PAWR: variants seen among roughly 807,000 people sequenced by gnomAD.
PAWR encodes pro-apoptotic WT1 regulator.
In PAWR, 23 loss-of-function variants were observed where a neutral mutation model predicts 32.0. That is an observed-to-expected ratio of 0.72 (90% CI 0.52 to 1.02). The LOEUF (loss-of-function observed/expected upper bound fraction) is 1.02, where lower values mean the gene tolerates loss of function less well. Among genes scored for constraint, PAWR ranks in the 50% least tolerant of loss-of-function variants. PAWR has a pLI of 0.00. For synonymous variants in PAWR, 226 were observed against 187.1 expected, an observed-to-expected ratio of 1.21 and a Z score of -1.70; for missense variants, 457 against 437.7, an observed-to-expected ratio of 1.04 and a Z score of -0.39.
At chr12:79,642,398 T>C (rs1187297049) in intron 2 of PAWR, among the ~76,000 whole-genome samples, 2 of 152,220 alleles carry the variant, frequency 1.3e-5, no homozygotes, top group Non-Finnish European at 2.9e-5. Flanking sequence ...AGTTTGCTTT[T>C]GCTGCCATTA....
At chr12:79,654,875 G>C (rs1425451443) in intron 2 of PAWR, among the ~76,000 whole-genome samples, 2 of 152,164 alleles carry the variant, frequency 1.3e-5, no homozygotes, top group East Asian at 3.9e-4. Context: ...TTCGAAATGA[G>C]ATTTGGGTGG....
At chr12:79,615,132 G>A (rs538441594) in intron 3 of PAWR, among the ~76,000 whole-genome samples, 1 of 152,268 alleles carries the variant, frequency 6.6e-6, no homozygotes, top group African/African-American at 2.4e-5. Context: ...ATTTGAGTAA[G>A]TCTGTCTTAA....
chr12:79,613,511 A>G, intron 4 of PAWR, 64 bp downstream of exon 4: 1 of 831,024 alleles, frequency 1.2e-6, no homozygotes, highest in Non-Finnish European at 2.0e-6. Context: ...AGTTCTAGTT[A>G]AGTCAATGTC....
At chr12:79,595,663 A>G (rs1182919931) in intron 5 of PAWR, among the ~76,000 whole-genome samples, 5 of 152,260 alleles carry the variant, frequency 3.3e-5, no homozygotes, top group Non-Finnish European at 5.9e-5. Flanking sequence ...CCTGACCAAC[A>G]TGGTGAAACC....
intron 2 of PAWR, among the ~76,000 whole-genome samples, chr12:79,686,133 T>C (rs909777186): frequency 1.1e-4 from 16 of 152,216 alleles, no homozygotes; most frequent in African/African-American, 3.9e-4. Flanking sequence ...TTAACTTTTA[T>C]ACTTAAACCA....
At chr12:79,643,881 TAAA>T (rs373782730) in intron 2 of PAWR, among the ~76,000 whole-genome samples, 1 of 152,112 alleles carries the variant, frequency 6.6e-6, no homozygotes, top group Non-Finnish European at 1.5e-5. Flanking sequence ...GTTAACAAAA[TAAA>T]AAATATTTCA....
chr12:79,690,134 C>A lies in PAWR; in HGVS notation c.111G>T (p.Pro37=). 6.6e-7 allele frequency: 1 copy of A among 1,515,968 alleles called. No individual in the cohort carries two copies. Among genetic ancestry groups the A allele is most frequent in the East Asian group, 2.7e-5 (1 of 36,554 alleles). 93.9% of individuals were successfully genotyped at this position (1,515,968 alleles called of 1,614,324 possible). Residue 37 remains proline, a synonymous_variant, in exon 2 of 7, where the codon CCG becomes CCT. Transcript: ENST00000328827. ...REKMRAKQNP[P]GPAPPGGGSS... Reference sequence around the variant, plus strand: ...TGCCCCCTCCCGGGGGGGCCGGGCCCGGGGGGTTCTGCTTGGCGCGCATCT... The same window carrying A: ...TGCCCCCTCCCGGGGGGGCCGGGCCAGGGGGGTTCTGCTTGGCGCGCATCT...
rs141201677 is a variant in PAWR, at chr12:79,607,310, T to C, written c.683+6265A>G. Among the ~76,000 whole-genome samples, 624 of 152,080 alleles carry C rather than the reference T, an allele frequency of 4.1e-3. 12 individuals carry two copies. The highest frequency in any genetic ancestry group is 0.014 in the African/African-American group (592 of 41,496). On this transcript the variant is annotated intron_variant, in intron 4 of 6. Coordinates refer to ENST00000328827, the MANE Select transcript of PAWR (RefSeq NM_002583.4). ...TCTTTAAAAAAAAAGAAAGAAAGAATAGATCTTGAAAGGAACAGATTTCTT... is the reference window on the plus strand; with the variant it reads ...TCTTTAAAAAAAAAGAAAGAAAGAACAGATCTTGAAAGGAACAGATTTCTT...
intron 2 of PAWR, among the ~76,000 whole-genome samples, chr12:79,667,727 T>C (rs1238324456): frequency 2.6e-5 from 4 of 152,174 alleles, no homozygotes; most frequent in Non-Finnish European, 5.9e-5. Flanking sequence ...TTATCTTTAA[T>C]AAATTCATAC....
intron 2 of PAWR, among the ~76,000 whole-genome samples, chr12:79,622,251 GGT>G (rs1875057497): frequency 6.6e-6 from 1 of 152,060 alleles, no homozygotes; most frequent in Non-Finnish European, 1.5e-5. Flanking sequence ...ATAAAGACAA[GGT>G]CTACAATGGA....
Position 79,608,044 on chromosome 12 carries a change from G to A in PAWR, c.683+5531C>T, listed in dbSNP as rs545803068. Among the ~76,000 whole-genome samples the A allele has an allele frequency of 2.9e-4, 42 of 147,040 alleles. 1 individual carries two copies. The highest frequency in any genetic ancestry group is 9.5e-4 in the African/African-American group (38 of 39,800). On this transcript the variant is annotated intron_variant, in intron 4 of 6. Transcript: ENST00000328827. ...AGCCTGGGCGACAAGAGCAAAACTC[G>A]GACTCAAAAAAAAAAAAAAAATCAT... is the stretch of plus-strand genomic sequence containing the variant.
intron 2 of PAWR, among the ~76,000 whole-genome samples, chr12:79,654,309 A>G (rs969295271): frequency 4.6e-5 from 7 of 152,226 alleles, no homozygotes; most frequent in Non-Finnish European, 7.3e-5. Flanking sequence ...GACTAAAAAT[A>G]GTAACAATGA....
intron 2 of PAWR, among the ~76,000 whole-genome samples, chr12:79,649,725 G>A (rs1000166689): frequency 5.3e-5 from 8 of 152,120 alleles, no homozygotes; most frequent in African/African-American, 1.9e-4. Flanking sequence ...CAGGATTTGA[G>A]GCTGCAGTGA....
In PAWR at chr12:79,628,015, T is replaced by C. The variant is rs143220322; in HGVS notation, c.517-6808A>G. On this transcript the variant is annotated intron_variant, in intron 2 of 6. Transcript: ENST00000328827. ...TCAACAGAATATACATTCTTTTCAG[T>C]ACCACACCACACCTACTCCAAAATT... 1.2e-4 allele frequency among the ~76,000 whole-genome samples: 19 copies of C among 152,252 alleles called. No homozygotes were observed. The East Asian group carries it at 1.4e-3, about 11-fold the overall frequency.
Position 79,650,179 on chromosome 12 carries a change from T to G in PAWR, c.517-28972A>C, listed in dbSNP as rs748773135. 4.9e-4 allele frequency among the ~76,000 whole-genome samples: 74 copies of G among 152,214 alleles called. 1 individual carries two copies. The highest frequency in any genetic ancestry group is 4.3e-4 in the Non-Finnish European group (29 of 68,036). ...CATAAGATAATGTAGTGTGCAACCA[T>G]TTAAAACAATGAGGTTAGATCTATA... On this transcript the variant is annotated intron_variant, in intron 2 of 6. Coordinates refer to ENST00000328827, the MANE Select transcript of PAWR (RefSeq NM_002583.4).
chr12:79,642,433 T>G (rs1281258372), intron 2 of PAWR, among the ~76,000 whole-genome samples: 8 of 152,234 alleles, frequency 5.3e-5, no homozygotes, highest in Non-Finnish European at 8.8e-5. Flanking sequence ...CCAGGTGGGT[T>G]ACATCACAGA....
chr12:79,612,976 A>T (rs1362582493), intron 4 of PAWR, among the ~76,000 whole-genome samples: 2 of 152,166 alleles, frequency 1.3e-5, no homozygotes, highest in African/African-American at 4.8e-5. Context: ...CCTTAATGAG[A>T]TGGAGCCCTT....
intron 2 of PAWR, among the ~76,000 whole-genome samples, chr12:79,663,334 T>C (rs1483581860): frequency 6.6e-6 from 1 of 152,216 alleles, no homozygotes; most frequent in Non-Finnish European, 1.5e-5. Context: ...CTCTGTCGTT[T>C]AGGAATACAC....
At chr12:79,631,773 C>A (rs902367081) in intron 2 of PAWR, among the ~76,000 whole-genome samples, 1 of 152,088 alleles carries the variant, frequency 6.6e-6, no homozygotes, top group Non-Finnish European at 1.5e-5. Flanking sequence ...TAGAAACTAT[C>A]AAACTGATTC....
Sources: allele counts gnomAD v4.1 joint callset (sites outside exome capture counted in the v4.1 genomes callset), GRCh38; gene constraint gnomAD v4.1.1; transcripts MANE v1.5; gene names NCBI Gene and HGNC (gene_info 2026-07-23, HGNC 2026-07-21).